NXN: variants seen among roughly 807,000 people sequenced by gnomAD.
NXN encodes the protein nucleoredoxin 1.
NXN carries 16 observed loss-of-function variants against 48.6 expected under a neutral mutation model. That is an observed-to-expected ratio of 0.33 (90% CI 0.22 to 0.50). The LOEUF (loss-of-function observed/expected upper bound fraction) is 0.50, where lower values mean the gene tolerates loss of function less well. NXN is among the 20% of genes least tolerant of loss of function. The pLI, the probability that NXN is intolerant of heterozygous loss-of-function variation, is 0.98. For missense variants in NXN, 492 were observed against 605.5 expected (o/e 0.81, Z 1.97); for synonymous variants, 281 against 269.6 (o/e 1.04, Z -0.41).
intron 1 of NXN, among the ~76,000 whole-genome samples, chr17:843,079 G>C (rs12948235): frequency 0.033 from 4,939 of 151,962 alleles, 199 homozygotes; most frequent in East Asian, 0.22. Flanking sequence ...AAGCAAGCAA[G>C]CTGCACCTTC....
chr17:967,850 T>C (rs2069325354), intron 1 of NXN, among the ~76,000 whole-genome samples: 1 of 152,008 alleles, frequency 6.6e-6, no homozygotes, highest in South Asian at 2.1e-4. Context: ...CGGGCACCTG[T>C]AGTCCCAGCT....
intron 1 of NXN, among the ~76,000 whole-genome samples, chr17:859,574 G>A (rs527721684): frequency 7.6e-4 from 116 of 152,284 alleles, no homozygotes; most frequent in African/African-American, 2.4e-3. Flanking sequence ...AAAGGGAAAC[G>A]CAAACTACTC....
chr17:967,214 C>A (rs1354488289), intron 1 of NXN, among the ~76,000 whole-genome samples: 9 of 152,200 alleles, frequency 5.9e-5, no homozygotes, highest in African/African-American at 2.2e-4. Flanking sequence ...ATTTACACAT[C>A]CCGGCCACAG....
intron 1 of NXN, among the ~76,000 whole-genome samples, chr17:914,370 G>A (rs763725609): frequency 5.3e-4 from 75 of 140,786 alleles, no homozygotes; most frequent in African/African-American, 9.5e-4. Context: ...GGGTTTTACC[G>A]TGTTGGCCAG....
At position 956,158 on chromosome 17, in the gene NXN, G is replaced by T. The variant is rs2069166594; in HGVS notation, c.360+23161C>A. On this transcript the variant is annotated intron_variant, in intron 1 of 7. Coordinates refer to ENST00000336868, the MANE Select transcript of NXN (RefSeq NM_022463.5). This position sits in a 1 kb window ranked among gnomAD's most constrained non-coding sequence, Gnocchi z 4.1. ...AACACTGAGACTCACCTTTCTGCTT[G>T]GAATTCCAAACCTCTTCCCACCGGA... Among the ~76,000 whole-genome samples, 1 of 152,088 alleles carries T rather than the reference G, an allele frequency of 6.6e-6. No individual in the cohort carries two copies. Among genetic ancestry groups the T allele is most frequent in the Non-Finnish European group, 1.5e-5 (1 of 68,022 alleles).
chr17:823,409 A>G (rs1210062255), intron 3 of NXN, among the ~76,000 whole-genome samples: 1 of 152,070 alleles, frequency 6.6e-6, no homozygotes, highest in Non-Finnish European at 1.5e-5. Context: ...AGAAAAAAAA[A>G]AAAGAGGGCT....
At chr17:870,708 T>C (rs77745940) in intron 1 of NXN, among the ~76,000 whole-genome samples, 5,496 of 151,722 alleles carry the variant, frequency 0.036, 315 homozygotes, top group East Asian at 0.28. Flanking sequence ...TGAGCCCCGA[T>C]TGTGCTACTG....
At chr17:908,651 G>C (rs1037849471) in intron 1 of NXN, among the ~76,000 whole-genome samples, 1 of 152,168 alleles carries the variant, frequency 6.6e-6, no homozygotes, top group African/African-American at 2.4e-5. Context: ...AGGCCCCCTG[G>C]AGAGCGCTTC....
At chr17:833,280 C>T (rs1040486499) in intron 1 of NXN, among the ~76,000 whole-genome samples, 1 of 152,082 alleles carries the variant, frequency 6.6e-6, no homozygotes, top group East Asian at 1.9e-4. Flanking sequence ...TCTGTGGGCG[C>T]CTCAGGCCAC....
chr17:834,269 C>T (rs531873319), intron 1 of NXN, among the ~76,000 whole-genome samples: 10 of 152,326 alleles, frequency 6.6e-5, no homozygotes, highest in Non-Finnish European at 1.3e-4. Flanking sequence ...CTACGATGAG[C>T]TGTGATCGTG....
intron 1 of NXN, among the ~76,000 whole-genome samples, chr17:842,316 C>T (rs938466296): frequency 6.6e-6 from 1 of 152,208 alleles, no homozygotes; most frequent in African/African-American, 2.4e-5. Context: ...TCGCTAGTTC[C>T]AACCAGAAAG....
chr17:813,035 ATGTG>A (rs201300947), intron 5 of NXN, among the ~76,000 whole-genome samples: 1 of 152,006 alleles, frequency 6.6e-6, no homozygotes. Flanking sequence ...GCGTGTGTGA[ATGTG>A]TGAGCGTGTG....
chr17:817,396 G>A (rs374835476), intron 5 of NXN, among the ~76,000 whole-genome samples: 7 of 152,294 alleles, frequency 4.6e-5, no homozygotes, highest in East Asian at 1.9e-4. Flanking sequence ...GAGGCCAGAC[G>A]TGGTGGCTCA....
chr17:971,149 T>C (rs1445335975), intron 1 of NXN, among the ~76,000 whole-genome samples: 4 of 151,830 alleles, frequency 2.6e-5, no homozygotes, highest in Non-Finnish European at 5.9e-5. Flanking sequence ...TTTCTCCACA[T>C]TGGTCAGGTT....
At chr17:940,132 G>GT (rs67464993) in intron 1 of NXN, among the ~76,000 whole-genome samples, 1 of 140,282 alleles carries the variant, frequency 7.1e-6, no homozygotes, top group African/African-American at 2.5e-5. Flanking sequence ...AGAGATCGAG[G>GT]TGGGGGGGTC....
chr17:939,877 A>G (rs1356463658), intron 1 of NXN, among the ~76,000 whole-genome samples: 4 of 152,158 alleles, frequency 2.6e-5, no homozygotes, highest in Admixed American at 2.6e-4. Flanking sequence ...TGCAGGCATG[A>G]GCAACACTGT....
At chr17:838,807 A>G (rs79356636) in intron 1 of NXN, among the ~76,000 whole-genome samples, 7,113 of 152,234 alleles carry the variant, frequency 0.047, 284 homozygotes, top group East Asian at 0.24. Flanking sequence ...CATCCGCCCT[A>G]CAGCTGCCTC....
At chr17:869,040 G>A (rs756581714) in intron 1 of NXN, among the ~76,000 whole-genome samples, 16 of 152,174 alleles carry the variant, frequency 1.1e-4, no homozygotes, top group African/African-American at 1.7e-4. Context: ...CAGACGCCAG[G>A]TGGTGGCTGG....
chr17:804,790 T>A (rs1435223788), intron 6 of NXN, among the ~76,000 whole-genome samples: 1 of 152,196 alleles, frequency 6.6e-6, no homozygotes, highest in Non-Finnish European at 1.5e-5. Flanking sequence ...ACAATGGGTC[T>A]GCGCATGGGG....
Sources: gnomAD v4.1 joint callset for allele counts (sites outside exome capture counted in the v4.1 genomes callset) on GRCh38, gnomAD v4.1.1 for gene constraint, Gnocchi (gnomAD v3.1) non-coding constraint, MANE v1.5 for transcripts, NCBI Gene and HGNC (gene_info 2026-07-23, HGNC 2026-07-21) for gene names.